The following LHFPL7 variants were observed in gnomAD, a reference collection of about 807,000 sequenced individuals.
LHFPL7 encodes LHFPL tetraspan subfamily member 7 protein.
chr22:24,941,411 C>T, the LHFPL7 span, among the ~76,000 whole-genome samples: 1 of 152,018 alleles, frequency 6.6e-6, no homozygotes, highest in Non-Finnish European at 1.5e-5. Flanking sequence ...CTGCGTCTTA[C>T]TTTTGGACTG....
chr22:24,945,639 C>T, the LHFPL7 span, among the ~76,000 whole-genome samples: 20 of 152,190 alleles, frequency 1.3e-4, no homozygotes, highest in Non-Finnish European at 2.9e-4. Context: ...AGATGTGTAT[C>T]TTCCCCAACC....
At chr22:24,939,584 G>A in the LHFPL7 span, 2 of 700,310 alleles carry the variant, frequency 2.9e-6, no homozygotes, top group East Asian at 2.7e-5. Context: ...TACTAATGGA[G>A]ACTGCAGGGA....
At chr22:24,938,065 A>T in the LHFPL7 span, 3 of 1,540,386 alleles carry the variant, frequency 1.9e-6, no homozygotes, top group Admixed American at 1.8e-5. Context: ...GGCTCTGCTC[A>T]CAGACTCATT....
chr22:24,938,422 C>A, the LHFPL7 span: 1 of 1,488,002 alleles, frequency 6.7e-7, no homozygotes, highest in East Asian at 2.3e-5. Context: ...GTGGATGCTC[C>A]CCTGCTCATT....
the LHFPL7 span, among the ~76,000 whole-genome samples, chr22:24,940,603 A>T: frequency 1.2e-4 from 16 of 136,646 alleles, no homozygotes; most frequent in African/African-American, 4.1e-4. Flanking sequence ...CTCAAAAAAA[A>T]AAAAATAATA....
At chr22:24,935,639 A>C in the LHFPL7 span, 61 of 1,575,228 alleles carry the variant, frequency 3.9e-5, no homozygotes, top group South Asian at 7.2e-4. Flanking sequence ...GCCAAGGGGT[A>C]CCTCACTAAC....
the LHFPL7 span, chr22:24,935,703 CTCAT>C: frequency 1.4e-6 from 2 of 1,389,418 alleles, no homozygotes; most frequent in African/African-American, 2.9e-5. Flanking sequence ...TATCCACCCA[CTCAT>C]TCATTCATTT....
At chr22:24,943,470 C>T in the LHFPL7 span, among the ~76,000 whole-genome samples, 1 of 152,162 alleles carries the variant, frequency 6.6e-6, no homozygotes, top group Non-Finnish European at 1.5e-5. Flanking sequence ...TAATAGCAGT[C>T]AACAATTTCT....
the LHFPL7 span, among the ~76,000 whole-genome samples, chr22:24,937,070 C>T: frequency 6.6e-6 from 1 of 152,234 alleles, no homozygotes; most frequent in African/African-American, 2.4e-5. Context: ...ATGTCCTTCT[C>T]CTCATGGAGC....
the LHFPL7 span, among the ~76,000 whole-genome samples, chr22:24,942,892 AGTGTGT>A: frequency 0.03 from 3,800 of 128,082 alleles, 63 homozygotes; most frequent in South Asian, 0.034. Context: ...AAGGGGATAA[AGTGTGT>A]GTGTGTGTGT....
chr22:24,935,536 T>C, the LHFPL7 span: 1 of 1,613,966 alleles, frequency 6.2e-7, no homozygotes, highest in Non-Finnish European at 8.5e-7. Context: ...CACACTTCCT[T>C]GATGAATGGG....
chr22:24,937,878 G>A, the LHFPL7 span, among the ~76,000 whole-genome samples: 1 of 152,146 alleles, frequency 6.6e-6, no homozygotes, highest in Non-Finnish European at 1.5e-5. Flanking sequence ...ATGACATGAA[G>A]TGGATGGATG....
At chr22:24,946,395 A>T in the LHFPL7 span, among the ~76,000 whole-genome samples, 1 of 151,638 alleles carries the variant, frequency 6.6e-6, no homozygotes, top group Admixed American at 6.6e-5. Context: ...GCATGCACAC[A>T]TGAGCGCACA....
the LHFPL7 span, among the ~76,000 whole-genome samples, chr22:24,946,410 C>CCCAG: frequency 1.2e-5 from 1 of 80,222 alleles, no homozygotes; most frequent in African/African-American, 5.7e-5. Flanking sequence ...CGCACATGCA[C>CCCAG]CCACCCACCC....
the LHFPL7 span, among the ~76,000 whole-genome samples, chr22:24,940,567 G>A: frequency 6.6e-6 from 1 of 150,926 alleles, no homozygotes; most frequent in African/African-American, 2.4e-5. Context: ...CTGCACTCCA[G>A]CCTGGGCGAC....
At chr22:24,944,392 G>A in the LHFPL7 span, among the ~76,000 whole-genome samples, 2 of 152,184 alleles carry the variant, frequency 1.3e-5, no homozygotes, top group Non-Finnish European at 2.9e-5. Context: ...CCTTTGAGCT[G>A]AGCCTGAAGA....
At chr22:24,939,924 C>CTTTTTTT in the LHFPL7 span, among the ~76,000 whole-genome samples, 99 of 86,984 alleles carry the variant, frequency 1.1e-3, 6 homozygotes, top group East Asian at 0.018. Flanking sequence ...TCATTTATCG[C>CTTTTTTT]TTTTTTTTTT....
At chr22:24,935,753 C>T in the LHFPL7 span, among the ~76,000 whole-genome samples, 1 of 152,022 alleles carries the variant, frequency 6.6e-6, no homozygotes, top group African/African-American at 2.4e-5. Context: ...TTTGTCTACC[C>T]ACTCATTCAA....
At chr22:24,945,986 T>C in the LHFPL7 span, among the ~76,000 whole-genome samples, 2 of 152,334 alleles carry the variant, frequency 1.3e-5, no homozygotes, top group Admixed American at 1.3e-4. Context: ...CTTAACCCTT[T>C]GATGCATTCC....
Sources: gnomAD v4.1 joint callset for allele counts (sites outside exome capture counted in the v4.1 genomes callset) on GRCh38, gnomAD v4.1.1 for gene constraint, MANE v1.5 for transcripts, NCBI Gene and HGNC (gene_info 2026-07-23, HGNC 2026-07-21) for gene names.